SND1: variants seen among roughly 807,000 people sequenced by gnomAD.
SND1 encodes the protein staphylococcal nuclease domain-containing protein 1.
SND1 carries 38 observed loss-of-function variants against 121.7 expected under a neutral mutation model. The observed-to-expected ratio is 0.31, with a 90% CI of 0.24 to 0.41. The LOEUF is 0.41. SND1 is among the 10% of genes least tolerant of loss of function. The probability of loss-of-function intolerance (pLI) is 1.00; values close to 1 mark genes in which losing one functional copy is unlikely to be tolerated. For synonymous variants in SND1, 401 were observed against 447.4 expected, an observed-to-expected ratio of 0.90 and a Z score of 1.31; for missense variants, 868 against 1,184.6, an observed-to-expected ratio of 0.73 and a Z score of 3.92.
intron 10 of SND1, among the ~76,000 whole-genome samples, chr7:127,805,333 C>T (rs1458809764): frequency 2.0e-5 from 3 of 152,180 alleles, no homozygotes; most frequent in Non-Finnish European, 4.4e-5. Context: ...AGCTCAGCCA[C>T]CCCAGAGGCT....
At chr7:127,826,235 C>T (rs920002712) in intron 11 of SND1, among the ~76,000 whole-genome samples, 1 of 152,134 alleles carries the variant, frequency 6.6e-6, no homozygotes, top group African/African-American at 2.4e-5. Flanking sequence ...CATCTCCTCA[C>T]ATCCTTAAAT....
chr7:127,768,914 C>G (rs540028288), intron 10 of SND1, among the ~76,000 whole-genome samples: 1 of 152,266 alleles, frequency 6.6e-6, no homozygotes, highest in South Asian at 2.1e-4. Context: ...TGGGAGGGGA[C>G]AGGGCTGGAT....
intron 2 of SND1, 55 bp from the exon 3 acceptor site, chr7:127,694,773 G>T (rs1200687570): frequency 4.4e-6 from 7 of 1,601,928 alleles, no homozygotes; most frequent in Non-Finnish European, 6.0e-6. Context: ...CTTGAATGCT[G>T]ATTGGCATCT....
chr7:127,856,031 A>C (rs1162788996), intron 12 of SND1, among the ~76,000 whole-genome samples: 1 of 152,130 alleles, frequency 6.6e-6, no homozygotes, highest in African/African-American at 2.4e-5. Context: ...TCACTTTTTC[A>C]GTTTTCATGA....
intron 10 of SND1, among the ~76,000 whole-genome samples, chr7:127,794,377 T>C (rs996899276): frequency 1.3e-5 from 2 of 152,218 alleles, no homozygotes; most frequent in African/African-American, 4.8e-5. Context: ...TTGCACAAAT[T>C]TGACTGGAAA....
chr7:127,862,027 TC>T (rs1799389384), intron 12 of SND1, among the ~76,000 whole-genome samples: 1 of 152,308 alleles, frequency 6.6e-6, no homozygotes, highest in East Asian at 1.9e-4. Flanking sequence ...TAGAAGGTAA[TC>T]CCCACATTAT....
chr7:127,803,397 G>A (rs1798171994), intron 10 of SND1, among the ~76,000 whole-genome samples: 1 of 151,888 alleles, frequency 6.6e-6, no homozygotes, highest in Admixed American at 6.6e-5. Flanking sequence ...TGTCTTTTCA[G>A]TACAGAACTT....
intron 1 of SND1, among the ~76,000 whole-genome samples, chr7:127,681,763 C>G (rs960045960): frequency 5.3e-5 from 8 of 152,200 alleles, no homozygotes; most frequent in African/African-American, 1.9e-4. Flanking sequence ...TCAAATTATC[C>G]TGGCACCCTT....
chr7:127,724,011 C>T (rs548878177), intron 10 of SND1, among the ~76,000 whole-genome samples: 3 of 152,314 alleles, frequency 2.0e-5, no homozygotes, highest in Non-Finnish European at 4.4e-5. Flanking sequence ...TCAATAGGCA[C>T]ATGAGGCTAG....
Position 128,087,015 on chromosome 7 carries a change from G to A in SND1, c.2382G>A (p.Thr794=), listed in dbSNP as rs764912119. The change falls in exon 21 of 24, where the codon ACG becomes ACA. Residue 794 remains threonine (T), a synonymous_variant. Transcript: ENST00000354725. ...CTCGGGTGCTGCCAGCTCAAGCCAC[G>A]GAGTATGCCTTCGCCTTCATCCAGG... ...FSTRVLPAQA[T]EYAFAFIQVP... 16 of 1,614,080 alleles carry A rather than the reference G, an allele frequency of 9.9e-6. No individual in the cohort carries two copies. Among genetic ancestry groups the A allele is most frequent in the South Asian group, 9.9e-5 (9 of 91,092 alleles).
intron 1 of SND1, among the ~76,000 whole-genome samples, chr7:127,676,024 C>T (rs1460963827): frequency 6.6e-6 from 1 of 152,120 alleles, no homozygotes; most frequent in Non-Finnish European, 1.5e-5. Flanking sequence ...GTAAAGTTTT[C>T]GATTGTGAAG....
At chr7:127,919,440 T>G (rs901770756) in intron 14 of SND1, among the ~76,000 whole-genome samples, 1 of 152,226 alleles carries the variant, frequency 6.6e-6, no homozygotes, top group Non-Finnish European at 1.5e-5. Context: ...TCTGAAGGCA[T>G]TTTCTGGTTC....
At chr7:127,828,861 A>G (rs1372827463) in intron 11 of SND1, among the ~76,000 whole-genome samples, 2 of 152,202 alleles carry the variant, frequency 1.3e-5, no homozygotes, top group Non-Finnish European at 1.5e-5. Context: ...TTATTTCCAT[A>G]TTAAATCATG....
chr7:127,664,633 C>G (rs1424531383), intron 1 of SND1, among the ~76,000 whole-genome samples: 1 of 152,166 alleles, frequency 6.6e-6, no homozygotes, highest in Non-Finnish European at 1.5e-5. Context: ...GCTATTCTAG[C>G]AAATTAATAA....
intron 22 of SND1, among the ~76,000 whole-genome samples, chr7:128,091,384 G>A (rs1793776996): frequency 6.6e-6 from 1 of 150,658 alleles, no homozygotes; most frequent in African/African-American, 2.4e-5. Context: ...ACCATGCCTG[G>A]CTAATTTTTT....
In SND1 at chr7:127,857,933, G is replaced by A. The variant is rs1248044922; in HGVS notation, c.1343+13509G>A. 7.4e-6 allele frequency: 10 copies of A among 1,357,732 alleles called. No homozygotes were observed. In the Admixed American group the frequency reaches 1.7e-4, roughly 23 times the overall value. The allele number at this position is 1,357,732 out of a possible 1,614,324, so 84.1% of individuals were successfully genotyped here. A position where few individuals can be genotyped will look rare whatever the true frequency, so the allele number is the denominator to read the frequency against. ...AGCTTCCGGCAGTAAACACCATCAG[G>A]AAAGTAGCCTTCGCTCACCCAGGTC... On this transcript the variant is annotated intron_variant, in intron 12 of 23. Transcript: ENST00000354725.
intron 14 of SND1, among the ~76,000 whole-genome samples, chr7:127,908,510 G>C (rs1800393632): frequency 6.6e-6 from 1 of 152,056 alleles, no homozygotes; most frequent in South Asian, 2.1e-4. Flanking sequence ...TAGGAACTGG[G>C]CTATTAGAAG....
intron 13 of SND1, among the ~76,000 whole-genome samples, chr7:127,895,246 A>G (rs1217964058): frequency 6.6e-6 from 1 of 152,078 alleles, no homozygotes; most frequent in Non-Finnish European, 1.5e-5. Context: ...AGTAGAACCT[A>G]TTGAATATGG....
intron 9 of SND1, among the ~76,000 whole-genome samples, chr7:127,708,747 CTG>C (rs1230974769): frequency 1.3e-5 from 2 of 152,218 alleles, no homozygotes; most frequent in Non-Finnish European, 2.9e-5. Flanking sequence ...GACCTGCTCT[CTG>C]TGTCTTCCCA....
Sources: allele counts gnomAD v4.1 joint callset (sites outside exome capture counted in the v4.1 genomes callset), GRCh38; gene constraint gnomAD v4.1.1; transcripts MANE v1.5; gene names NCBI Gene and HGNC (gene_info 2026-07-23, HGNC 2026-07-21).